Variants in RAB11FIP4 observed in about 807,000 individuals in gnomAD.
RAB11FIP4 encodes the protein RAB11 family interacting protein 4.
RAB11FIP4 carries 23 observed loss-of-function variants against 74.3 expected under a neutral mutation model. That is an observed-to-expected ratio of 0.31 (90% CI 0.22 to 0.44). The LOEUF is 0.44. Ranked by LOEUF, RAB11FIP4 falls within the 20% of genes least tolerant of loss-of-function variation. RAB11FIP4 has a pLI of 1.00. For synonymous variants in RAB11FIP4, 360 were observed against 359.9 expected (o/e 1.00, Z 0.00); for missense variants, 630 against 863.9 (o/e 0.73, Z 3.39).
intron 3 of RAB11FIP4, among the ~76,000 whole-genome samples, chr17:31,476,400 G>A (rs1233830667): frequency 6.6e-6 from 1 of 152,042 alleles, no homozygotes; most frequent in Non-Finnish European, 1.5e-5. Flanking sequence ...GGCCAGGCTG[G>A]TCTCAAACTC....
chr17:31,418,024 G>C (rs1255053929), intron 1 of RAB11FIP4, among the ~76,000 whole-genome samples: 1 of 152,194 alleles, frequency 6.6e-6, no homozygotes, highest in African/African-American at 2.4e-5. Flanking sequence ...CTGGGAGGTC[G>C]AGGCTGCTGT....
At chr17:31,507,055 G>A (rs7209529) in intron 3 of RAB11FIP4, among the ~76,000 whole-genome samples, 26,093 of 152,096 alleles carry the variant, frequency 0.17, 2,558 homozygotes, top group South Asian at 0.3. Context: ...CGAGGTGGGC[G>A]GATCATGAGG....
chr17:31,457,683 C>T (rs554553838), intron 3 of RAB11FIP4, among the ~76,000 whole-genome samples: 3 of 151,944 alleles, frequency 2.0e-5, no homozygotes, highest in Non-Finnish European at 4.4e-5. Context: ...AGGCCTGACC[C>T]CCACCACCCT....
chr17:31,411,188 C>T (rs934741257), intron 1 of RAB11FIP4, among the ~76,000 whole-genome samples: 13 of 152,088 alleles, frequency 8.5e-5, no homozygotes, highest in Non-Finnish European at 1.8e-4. Flanking sequence ...ATGGTGAAAC[C>T]CCGTCTCTAC....
chr17:31,478,939 C>A (rs142289031), intron 3 of RAB11FIP4, among the ~76,000 whole-genome samples: 120 of 152,330 alleles, frequency 7.9e-4, no homozygotes, highest in African/African-American at 2.9e-3. Flanking sequence ...TCATCCTTAC[C>A]AATTAGTTTC....
chr17:31,493,714 G>A (rs1452312749), intron 3 of RAB11FIP4, among the ~76,000 whole-genome samples: 1 of 152,168 alleles, frequency 6.6e-6, no homozygotes, highest in Non-Finnish European at 1.5e-5. Flanking sequence ...TCTGTTGCTC[G>A]CTAGTTGTGG....
At position 31,528,397 on chromosome 17, in the gene RAB11FIP4, C is replaced by G; in HGVS notation, c.1357-9C>G. ...ACTCTCCTCCCCTGATCGGGTCTCC[C>G]TGCTCCAGGAGCGGCAGCGCATGTC... On this transcript the variant is annotated splice_polypyrimidine_tract_variant and intron_variant, in intron 11 of 14. Coordinates refer to ENST00000621161, the MANE Select transcript of RAB11FIP4 (RefSeq NM_032932.6). The G allele has an allele frequency of 1.2e-6, 2 of 1,611,358 alleles. No homozygotes were observed. Among genetic ancestry groups the G allele is most frequent in the Non-Finnish European group, 1.7e-6 (2 of 1,179,548 alleles).
At chr17:31,433,931 AC>A (rs2071333710) in intron 2 of RAB11FIP4, 102 bp from the exon 3 acceptor site, 1 of 1,160,754 alleles carries the variant, frequency 8.6e-7, no homozygotes, top group Non-Finnish European at 1.2e-6. Flanking sequence ...TCGGGCCCCC[AC>A]CTCAGCCCTT....
At chr17:31,494,728 C>T (rs1352028277) in intron 3 of RAB11FIP4, among the ~76,000 whole-genome samples, 4 of 152,238 alleles carry the variant, frequency 2.6e-5, no homozygotes, top group Middle Eastern at 3.4e-3. Flanking sequence ...CCTCCCACCG[C>T]GGCCCCCCAA....
In RAB11FIP4 at chr17:31,537,315, T is replaced by C. The variant is rs2142846349; in HGVS notation, c.*5583T>C. 2.5e-6 allele frequency: 1 copy of C among 398,338 alleles called. No homozygotes were observed. The highest frequency in any genetic ancestry group is 1.4e-4 in the South Asian group (1 of 7,136). The allele number at this position is 398,338 out of a possible 1,614,324, so 24.7% of individuals were successfully genotyped here. A position where few individuals can be genotyped will look rare whatever the true frequency, so the allele number is the denominator to read the frequency against. On this transcript the variant is annotated 3_prime_UTR_variant, in exon 15 of 15. Coordinates refer to ENST00000621161, the MANE Select transcript of RAB11FIP4 (RefSeq NM_032932.6). ...TTCGTCCACAAGGATCAGGCCCCAC[T>C]TACCCTTGGCTCGCTCAGCCTGTAG...
At chr17:31,415,434 A>G (rs539578658) in intron 1 of RAB11FIP4, among the ~76,000 whole-genome samples, 25 of 152,314 alleles carry the variant, frequency 1.6e-4, no homozygotes, top group Middle Eastern at 3.4e-3. Context: ...AAGGTCCCCA[A>G]GCCATTTACT....
chr17:31,399,063 G>A (rs1247737568), intron 1 of RAB11FIP4, among the ~76,000 whole-genome samples: 1 of 152,160 alleles, frequency 6.6e-6, no homozygotes, highest in African/African-American at 2.4e-5. Flanking sequence ...CCACATGGAG[G>A]AGGGGTTCTG....
chr17:31,432,453 G>A (rs1049150963), intron 2 of RAB11FIP4, among the ~76,000 whole-genome samples: 10 of 151,282 alleles, frequency 6.6e-5, no homozygotes, highest in East Asian at 2.0e-4. Context: ...CAACCTCCTC[G>A]GCTCAAGCAA....
intron 3 of RAB11FIP4, among the ~76,000 whole-genome samples, chr17:31,445,544 A>T (rs2071445178): frequency 1.2e-4 from 1 of 8,016 alleles, no homozygotes; most frequent in Non-Finnish European, 2.5e-4. Context: ...ATATATATAT[A>T]TATATATATA....
intron 3 of RAB11FIP4, among the ~76,000 whole-genome samples, chr17:31,478,853 G>A (rs981496739): frequency 6.6e-6 from 1 of 152,224 alleles, no homozygotes. Flanking sequence ...AGACACTGCT[G>A]AGCTGGACAG....
chr17:31,527,917 G>A lies in RAB11FIP4; in HGVS notation c.1350G>A (p.Leu450=). 1 of 1,595,962 alleles carries A rather than the reference G, an allele frequency of 6.3e-7. No homozygotes were observed. Among genetic ancestry groups the A allele is most frequent in the Non-Finnish European group, 8.5e-7 (1 of 1,171,450 alleles). ...VTRLKSQTEK[L]DEERQRMSDR... is the part of the protein sequence containing the mutation. Reference sequence around the variant, plus strand: ...GGCTCAAGTCTCAAACAGAGAAACTGGATGAGGTGAGCAGCAGATCCAGGC... The same window carrying A: ...GGCTCAAGTCTCAAACAGAGAAACTAGATGAGGTGAGCAGCAGATCCAGGC... The change falls in exon 11 of 15, where the codon CTG becomes CTA. Residue 450 remains leucine (L), a synonymous_variant. Transcript: ENST00000621161.
chr17:31,460,549 C>T (rs1016008717), intron 3 of RAB11FIP4, among the ~76,000 whole-genome samples: 2 of 152,300 alleles, frequency 1.3e-5, no homozygotes, highest in Non-Finnish European at 2.9e-5. Flanking sequence ...GACAGCAAGA[C>T]AGAGTGCTAG....
At chr17:31,488,111 G>A in intron 3 of RAB11FIP4, 16 of 1,024,008 alleles carry the variant, frequency 1.6e-5, no homozygotes, top group Non-Finnish European at 1.9e-5. Context: ...GCCTTCCACT[G>A]GTGCCCAGAA....
chr17:31,494,237 G>A (rs1597953716), intron 3 of RAB11FIP4, among the ~76,000 whole-genome samples: 2 of 150,964 alleles, frequency 1.3e-5, no homozygotes, highest in Middle Eastern at 6.8e-3. Context: ...GCTATTGGTG[G>A]AATCTTAGAC....
Sources: allele counts gnomAD v4.1 joint callset (sites outside exome capture counted in the v4.1 genomes callset), GRCh38; gene constraint gnomAD v4.1.1; transcripts MANE v1.5; gene names NCBI Gene and HGNC (gene_info 2026-07-23, HGNC 2026-07-21).